The following KCND3 variants were observed in gnomAD, a reference collection of about 807,000 sequenced individuals.
KCND3 encodes the protein A-type voltage-gated potassium channel KCND3.
KCND3 carries 9 observed loss-of-function variants against 51.1 expected under a neutral mutation model. The ratio of observed to expected loss-of-function variants is 0.18; its 90% CI spans 0.11 to 0.31. The LOEUF (loss-of-function observed/expected upper bound fraction) is 0.31, where lower values mean the gene tolerates loss of function less well. Ranked by LOEUF, KCND3 falls within the 10% of genes least tolerant of loss-of-function variation. KCND3 has a pLI of 1.00. For synonymous variants in KCND3, 349 were observed against 368.0 expected (o/e 0.95, Z 0.59); for missense variants, 526 against 903.8 (o/e 0.58, Z 5.36).
chr1:111,949,717 C>T (rs551525891), intron 2 of KCND3, among the ~76,000 whole-genome samples: 1 of 151,806 alleles, frequency 6.6e-6, no homozygotes, highest in South Asian at 2.1e-4. Flanking sequence ...TATCTTTGTA[C>T]CCTTCCGGTT....
chr1:111,781,080 C>A (rs1664362798), intron 3 of KCND3, among the ~76,000 whole-genome samples: 3 of 152,208 alleles, frequency 2.0e-5, no homozygotes, highest in Admixed American at 2.0e-4. Flanking sequence ...TTTATCTACT[C>A]AGTATTGCAA....
intron 2 of KCND3, among the ~76,000 whole-genome samples, chr1:111,980,860 C>T (rs1674910443): frequency 6.6e-6 from 1 of 152,192 alleles, no homozygotes; most frequent in Admixed American, 6.5e-5. Context: ...ACCATGACCT[C>T]ACCGAGCACC....
intron 2 of KCND3, among the ~76,000 whole-genome samples, chr1:111,833,557 A>T (rs1666936423): frequency 6.6e-6 from 1 of 152,264 alleles, no homozygotes. Flanking sequence ...GGGCAAGAGC[A>T]GCAAGCCAGC....
chr1:111,898,750 C>T, intron 2 of KCND3, among the ~76,000 whole-genome samples: 1 of 152,046 alleles, frequency 6.6e-6, no homozygotes, highest in East Asian at 1.9e-4. Context: ...CAGCAGAGAC[C>T]ACAGAGTGTG....
intron 2 of KCND3, among the ~76,000 whole-genome samples, chr1:111,873,814 G>A (rs964341267): frequency 1.3e-5 from 2 of 152,188 alleles, no homozygotes; most frequent in Middle Eastern, 3.4e-3. Context: ...CCTTGCCACT[G>A]ATGCAGAGCT....
intron 2 of KCND3, among the ~76,000 whole-genome samples, chr1:111,804,945 C>T (rs1196833662): frequency 2.6e-5 from 4 of 152,212 alleles, no homozygotes; most frequent in East Asian, 1.9e-4. Context: ...GAGGCGCCAC[C>T]GCCTTCCCCA....
At chr1:111,919,567 T>A (rs1287571307) in intron 2 of KCND3, among the ~76,000 whole-genome samples, 1 of 152,022 alleles carries the variant, frequency 6.6e-6, no homozygotes, top group South Asian at 2.1e-4. Context: ...GGAGGCAGGG[T>A]CTCATCGGAT....
intron 2 of KCND3, among the ~76,000 whole-genome samples, chr1:111,878,247 G>A (rs956105899): frequency 2.0e-5 from 3 of 152,214 alleles, no homozygotes; most frequent in Non-Finnish European, 4.4e-5. Flanking sequence ...ACCTCTTCCT[G>A]TCTCTTTGCC....
intron 2 of KCND3, among the ~76,000 whole-genome samples, chr1:111,898,434 C>T (rs1258642774): frequency 1.3e-5 from 2 of 152,164 alleles, no homozygotes; most frequent in South Asian, 2.1e-4. Context: ...TTCTGATCAT[C>T]GCTTGACATT....
intron 2 of KCND3, among the ~76,000 whole-genome samples, chr1:111,790,711 A>C (rs1322567954): frequency 6.6e-6 from 1 of 152,232 alleles, no homozygotes; most frequent in Non-Finnish European, 1.5e-5. Flanking sequence ...ATGTGTACCC[A>C]TTAGCAGTCA....
intron 2 of KCND3, among the ~76,000 whole-genome samples, chr1:111,820,562 C>G (rs570616401): frequency 3.9e-5 from 6 of 152,262 alleles, no homozygotes; most frequent in Admixed American, 3.9e-4. Flanking sequence ...TTAAAAAGCC[C>G]AACTCTATTT....
At chr1:111,801,016 C>T (rs1204769429) in intron 2 of KCND3, among the ~76,000 whole-genome samples, 1 of 152,236 alleles carries the variant, frequency 6.6e-6, no homozygotes, top group African/African-American at 2.4e-5. Flanking sequence ...GAGCCCTTGT[C>T]CCTCAGGCCT....
At chr1:111,875,045 G>A (rs577556379) in intron 2 of KCND3, among the ~76,000 whole-genome samples, 22 of 152,302 alleles carry the variant, frequency 1.4e-4, no homozygotes, top group African/African-American at 4.8e-4. Context: ...CAAATGTCCC[G>A]AGGAGACGCT....
At chr1:111,974,193 A>C (rs2920581) in intron 2 of KCND3, among the ~76,000 whole-genome samples, 18,569 of 152,202 alleles carry the variant, frequency 0.12, 1,217 homozygotes, top group Non-Finnish European at 0.14. Context: ...GGCTGGACAG[A>C]GGCTGGAGTC....
chr1:111,906,862 C>G (rs1054469880), intron 2 of KCND3, among the ~76,000 whole-genome samples: 11 of 152,248 alleles, frequency 7.2e-5, no homozygotes, highest in Non-Finnish European at 1.3e-4. Flanking sequence ...TTCCCATGCT[C>G]TCCTGACTTC....
intron 2 of KCND3, among the ~76,000 whole-genome samples, chr1:111,942,558 AGGTCTCTGAGGCCT>A (rs1672576648): frequency 6.6e-6 from 1 of 152,172 alleles, no homozygotes; most frequent in Non-Finnish European, 1.5e-5. Flanking sequence ...CAGTTCCTAC[AGGTCTCTGAGGCCT>A]GTGGGCCAAG....
intron 2 of KCND3, among the ~76,000 whole-genome samples, chr1:111,805,710 C>T (rs536975923): frequency 2.6e-5 from 4 of 152,198 alleles, no homozygotes; most frequent in Admixed American, 6.5e-5. Context: ...TGGAGTCTGC[C>T]GCTGGCCCAT....
chr1:111,826,897 T>A (rs1666604258), intron 2 of KCND3, among the ~76,000 whole-genome samples: 1 of 152,226 alleles, frequency 6.6e-6, no homozygotes, highest in East Asian at 1.9e-4. Context: ...AGGTTGAGTA[T>A]CCCTTATCCA....
intron 2 of KCND3, among the ~76,000 whole-genome samples, chr1:111,932,150 C>A (rs1380525239): frequency 1.3e-5 from 2 of 152,232 alleles, no homozygotes; most frequent in African/African-American, 4.8e-5. Flanking sequence ...TGTGATTACA[C>A]TGGGCCCACC....
Sources: allele counts gnomAD v4.1 joint callset (sites outside exome capture counted in the v4.1 genomes callset), GRCh38; gene constraint gnomAD v4.1.1; transcripts MANE v1.5; gene names NCBI Gene and HGNC (gene_info 2026-07-23, HGNC 2026-07-21).